The following TMPRSS15 variants were observed in gnomAD, a reference collection of about 807,000 sequenced individuals.
The protein encoded by TMPRSS15 is enteropeptidase.
TMPRSS15 carries 128 observed loss-of-function variants against 125.3 expected under a neutral mutation model. The observed-to-expected ratio is 1.02, with a 90% confidence interval of 0.89 to 1.18. The LOEUF is 1.18. Ranked by LOEUF, TMPRSS15 falls within the 50% of genes most tolerant of loss-of-function variation. TMPRSS15 has a pLI of 0.00. For missense variants in TMPRSS15, 1,283 were observed against 1,212.7 expected (o/e 1.06, Z -0.86); for synonymous variants, 446 against 423.2 (o/e 1.05, Z -0.66).
chr21:18,483,579 G>A lies in TMPRSS15; in HGVS notation c.10+2220C>T, dbSNP rs189557333. On this transcript the variant is annotated intron_variant, in intron 1 of 7. Coordinates refer to the TMPRSS15 transcript ENST00000422787. The stretch of plus-strand genomic sequence containing the variant: ...TTAGAAAATTATAAATACAAGCCTC[G>A]ATTAGAGATTTGGGTATTTGTCTAA... Among the ~76,000 whole-genome samples, 85 of 151,814 alleles carry A rather than the reference G, an allele frequency of 5.6e-4. 1 individual carries two copies. In the East Asian group the frequency reaches 0.012, roughly 21 times the overall value.
In TMPRSS15 at chr21:18,372,284, A is replaced by G. The variant is rs754490153; in HGVS notation, c.573T>C (p.Cys191=). ...SIECLPGSSP[C]TDALTCIKAD... is the part of the protein sequence containing the mutation. ...CTTTTATACACGTTAGAGCATCAGT[A>G]CAAGGACTTGAACCAGGCAGGCACT... The change falls in exon 6 of 25, where the codon TGT becomes TGC. Residue 191 remains cysteine (C), a synonymous_variant. Coordinates refer to ENST00000284885, the MANE Select transcript of TMPRSS15 (RefSeq NM_002772.3). 1 of 1,613,510 alleles carries G rather than the reference A, an allele frequency of 6.2e-7. No homozygotes were observed. Among genetic ancestry groups the G allele is most frequent in the Non-Finnish European group, 8.5e-7 (1 of 1,179,592 alleles).
intron 1 of TMPRSS15, among the ~76,000 whole-genome samples, chr21:18,451,207 A>G (rs190571412): frequency 2.6e-5 from 4 of 152,318 alleles, no homozygotes; most frequent in Non-Finnish European, 4.4e-5. Flanking sequence ...TAAAAAGCCC[A>G]TCATAAACAT....
chr21:18,351,874 GA>G (rs963367114), intron 10 of TMPRSS15, among the ~76,000 whole-genome samples: 18 of 151,786 alleles, frequency 1.2e-4, no homozygotes, highest in African/African-American at 4.1e-4. Context: ...ATATTTAAGG[GA>G]AAAAAAATTT....
chr21:18,365,056 TA>T, intron 7 of TMPRSS15, 83 bp downstream of exon 7: 2 of 1,170,754 alleles, frequency 1.7e-6, no homozygotes, highest in South Asian at 1.3e-5. Flanking sequence ...AATGATTCTT[TA>T]AAAAACTACT....
At chr21:18,367,197 C>A (rs2075746725) in intron 6 of TMPRSS15, among the ~76,000 whole-genome samples, 1 of 151,806 alleles carries the variant, frequency 6.6e-6, no homozygotes, top group South Asian at 2.1e-4. Flanking sequence ...GATAACAAGT[C>A]AAGAAGCAAG....
intron 23 of TMPRSS15, among the ~76,000 whole-genome samples, chr21:18,278,677 G>A (rs748982115): frequency 6.6e-6 from 1 of 152,082 alleles, no homozygotes; most frequent in Non-Finnish European, 1.5e-5. Context: ...TGTCAAGATG[G>A]CGCCACTGCA....
chr21:18,294,651 G>C lies in TMPRSS15; in HGVS notation c.2263C>G (p.Gln755Glu), dbSNP rs754764474. 5 of 1,608,448 alleles carry C rather than the reference G, an allele frequency of 3.1e-6. No homozygotes were observed. In the South Asian group the frequency reaches 5.5e-5, roughly 18 times the overall value. The change falls in exon 20 of 25, where the codon CAA becomes GAA. Residue 755 changes from glutamine to glutamate, a missense_variant and splice_region_variant. Transcript: ENST00000284885. ...PDGHLILTPS[Q>E]QCLQDSLIRL... ...ATCAAGGAATCCTGTAAACACTGTT[G>C]ACTGTAATAGAAGAACAATCATATT...
chr21:18,312,849 T>A, intron 18 of TMPRSS15, 96 bp downstream of exon 18: 3 of 1,485,320 alleles, frequency 2.0e-6, no homozygotes, highest in Non-Finnish European at 2.8e-6. Flanking sequence ...TCTAAATTCA[T>A]AACTTTATAA....
chr21:18,445,806 C>G (rs929744537), intron 1 of TMPRSS15, among the ~76,000 whole-genome samples: 27 of 152,084 alleles, frequency 1.8e-4, no homozygotes, highest in African/African-American at 6.5e-4. Flanking sequence ...AAGACTATGC[C>G]TCAAAATCAT....
chr21:18,282,563 G>A (rs1382699383), intron 21 of TMPRSS15, among the ~76,000 whole-genome samples: 6 of 152,166 alleles, frequency 3.9e-5, no homozygotes, highest in Admixed American at 3.9e-4. Flanking sequence ...TGGTCAGGTA[G>A]CAGTCATCAG....
intron 7 of TMPRSS15, among the ~76,000 whole-genome samples, chr21:18,361,251 T>A (rs891946630): frequency 2.6e-5 from 4 of 152,094 alleles, no homozygotes; most frequent in South Asian, 4.1e-4. Flanking sequence ...AGTGTTATAA[T>A]CAGAAATGTA....
chr21:18,306,220 T>C (rs574985004), intron 18 of TMPRSS15, among the ~76,000 whole-genome samples: 4 of 152,262 alleles, frequency 2.6e-5, no homozygotes, highest in African/African-American at 4.8e-5. Flanking sequence ...TTTTGGGACA[T>C]TGGCAGAAAA....
At chr21:18,466,163 A>C (rs753998443) in intron 1 of TMPRSS15, among the ~76,000 whole-genome samples, 15 of 152,250 alleles carry the variant, frequency 9.9e-5, no homozygotes, top group Non-Finnish European at 1.6e-4. Flanking sequence ...CAACGAGGAA[A>C]GGATTCCCTA....
chr21:18,419,134 G>A (rs984155386), intron 1 of TMPRSS15, among the ~76,000 whole-genome samples: 1 of 151,364 alleles, frequency 6.6e-6, no homozygotes, highest in African/African-American at 2.4e-5. Context: ...ACTCATTGTT[G>A]TCACTTACCG....
At chr21:18,288,314 T>A (rs74521831) in intron 21 of TMPRSS15, among the ~76,000 whole-genome samples, 1,596 of 152,118 alleles carry the variant, frequency 0.01, 26 homozygotes, top group African/African-American at 0.037. Flanking sequence ...GAATGATAGA[T>A]CAGAGAGAGT....
At chr21:18,280,582 A>AAAAAAAAAAAAAAAAAAAAAAAAC (rs2074682774) in intron 22 of TMPRSS15, among the ~76,000 whole-genome samples, 1 of 138,528 alleles carries the variant, frequency 7.2e-6, no homozygotes, top group African/African-American at 3.3e-5. Flanking sequence ...TCTCAAAAAA[A>AAAAAAAAAAAAAAAAAAAAAAAAC]AAAAAAAAAA....
chr21:18,289,339 C>G (rs8127478), intron 21 of TMPRSS15, among the ~76,000 whole-genome samples: 55,121 of 151,860 alleles, frequency 0.36, 11,114 homozygotes, highest in East Asian at 0.55. Flanking sequence ...ATGGAGAAAC[C>G]CCGTCTCTAC....
At chr21:18,299,640 C>A (rs1265451114) in intron 18 of TMPRSS15, among the ~76,000 whole-genome samples, 1 of 152,124 alleles carries the variant, frequency 6.6e-6, no homozygotes, top group African/African-American at 2.4e-5. Flanking sequence ...TGTGTTTGAT[C>A]ATTTCTAGTT....
rs1394672716 is a variant in TMPRSS15 at position 18,348,233 on chromosome 21, C to T, written c.1172-4173G>A. On this transcript the variant is annotated intron_variant, in intron 10 of 24. Transcript: ENST00000284885. ...ATTGAATACACTTTGTTTACTTAAG[C>T]TTGTAATGATCTCTTTTTTGAACTA... is the stretch of plus-strand genomic sequence containing the variant. Among the ~76,000 whole-genome samples the T allele has an allele frequency of 5.3e-5, 8 of 151,968 alleles. No individual in the cohort carries two copies. In the East Asian group the frequency reaches 1.5e-3, roughly 29 times the overall value.
Sources: gnomAD v4.1 joint callset for allele counts (sites outside exome capture counted in the v4.1 genomes callset) on GRCh38, gnomAD v4.1.1 for gene constraint, MANE v1.5 for transcripts, NCBI Gene and HGNC (gene_info 2026-07-23, HGNC 2026-07-21) for gene names.